Variants in INSYN2B observed in about 807,000 individuals in gnomAD.
INSYN2B encodes protein INSYN2B.
INSYN2B carries 16 observed loss-of-function variants against 41.2 expected under a neutral mutation model. The observed-to-expected ratio is 0.39, with a 90% CI of 0.26 to 0.59. INSYN2B has a LOEUF of 0.59. Among genes scored for constraint, INSYN2B ranks in the 20% least tolerant of loss-of-function variants. The pLI, the probability that INSYN2B is intolerant of heterozygous loss-of-function variation, is 0.57. For synonymous variants in INSYN2B, 245 were observed against 244.4 expected, an observed-to-expected ratio of 1.00 and a Z score of -0.02; for missense variants, 608 against 646.4, an observed-to-expected ratio of 0.94 and a Z score of 0.64.
chr5:169,885,289 C>T (rs1772909599), intron 1 of INSYN2B, among the ~76,000 whole-genome samples: 1 of 152,238 alleles, frequency 6.6e-6, no homozygotes, highest in Non-Finnish European at 1.5e-5. Flanking sequence ...GGAACCATCT[C>T]ATTCACTGCT....
At position 169,910,145 on chromosome 5, in the gene INSYN2B, G is replaced by A. The variant is rs187033943; in HGVS notation, c.-918-25329C>T. 1.3e-3 allele frequency among the ~76,000 whole-genome samples: 194 copies of A among 152,222 alleles called. 3 individuals carry two copies. The highest frequency in any genetic ancestry group is 1.0e-3 in the Admixed American group (16 of 15,290). On this transcript the variant is annotated intron_variant, in intron 1 of 3. Coordinates refer to ENST00000377365, the MANE Select transcript of INSYN2B (RefSeq NM_001129891.3). Reference sequence around the variant, plus strand: ...GAGCCATATGTTCCTGGCCCAGATGGCTCTCTCAGTTCTAGATGATTAGTA... The same window carrying A: ...GAGCCATATGTTCCTGGCCCAGATGACTCTCTCAGTTCTAGATGATTAGTA...
intron 1 of INSYN2B, among the ~76,000 whole-genome samples, chr5:169,898,784 T>C (rs1773759150): frequency 6.6e-6 from 1 of 152,170 alleles, no homozygotes; most frequent in Non-Finnish European, 1.5e-5. Flanking sequence ...ACAAGCATAG[T>C]GATATTCCAA....
At chr5:169,913,931 A>G (rs984034534) in intron 1 of INSYN2B, among the ~76,000 whole-genome samples, 1 of 152,216 alleles carries the variant, frequency 6.6e-6, no homozygotes, top group Admixed American at 6.5e-5. Context: ...AGAAAATGAG[A>G]TTGTGTCCAT....
At chr5:169,875,334 G>A (rs751826555) in intron 3 of INSYN2B, 15 of 456,536 alleles carry the variant, frequency 3.3e-5, no homozygotes, top group South Asian at 1.5e-4. Flanking sequence ...AGGAGGTTCC[G>A]ATGCAGATGG....
chr5:169,899,252 C>T (rs1773785943), intron 1 of INSYN2B, among the ~76,000 whole-genome samples: 2 of 152,194 alleles, frequency 1.3e-5, no homozygotes, highest in Non-Finnish European at 2.9e-5. Context: ...CTTCAGCACG[C>T]CCAGACAGTA....
At chr5:169,876,448 A>G (rs180970578) in intron 3 of INSYN2B, among the ~76,000 whole-genome samples, 1 of 152,328 alleles carries the variant, frequency 6.6e-6, no homozygotes. Flanking sequence ...GAGAAGGGAG[A>G]TATTTTCACC....
intron 1 of INSYN2B, among the ~76,000 whole-genome samples, chr5:169,924,075 C>T (rs1304475736): frequency 6.6e-6 from 1 of 152,176 alleles, no homozygotes; most frequent in Non-Finnish European, 1.5e-5. Context: ...TCCTGCCACC[C>T]TCTTCCTCCC....
At chr5:169,956,787 A>T (rs879319038) in intron 1 of INSYN2B, among the ~76,000 whole-genome samples, 1 of 152,166 alleles carries the variant, frequency 6.6e-6, no homozygotes, top group Non-Finnish European at 1.5e-5. Context: ...GTTCAAATGT[A>T]ATCTTTCTCA....
At chr5:169,887,081 C>G (rs1333449270) in intron 1 of INSYN2B, among the ~76,000 whole-genome samples, 1 of 152,198 alleles carries the variant, frequency 6.6e-6, no homozygotes, top group Non-Finnish European at 1.5e-5. Flanking sequence ...TTTGGACCCA[C>G]AGACTGACCC....
intron 1 of INSYN2B, among the ~76,000 whole-genome samples, chr5:169,976,566 G>A (rs758224999): frequency 3.3e-5 from 5 of 152,068 alleles, no homozygotes; most frequent in Non-Finnish European, 5.9e-5. Context: ...TACTTTAGAA[G>A]TTTTCAAGTG....
intron 1 of INSYN2B, among the ~76,000 whole-genome samples, chr5:169,941,267 G>A (rs1035163544): frequency 1.3e-5 from 2 of 152,124 alleles, no homozygotes; most frequent in Non-Finnish European, 2.9e-5. Context: ...GGAATGCAAT[G>A]GATAATCTCG....
At chr5:169,979,245 C>T (rs912045081) in intron 1 of INSYN2B, among the ~76,000 whole-genome samples, 1 of 152,178 alleles carries the variant, frequency 6.6e-6, no homozygotes, top group South Asian at 2.1e-4. Context: ...TGAACAACGT[C>T]AGTGTTAGGG....
intron 1 of INSYN2B, among the ~76,000 whole-genome samples, chr5:169,962,174 T>A (rs1253629267): frequency 6.6e-6 from 1 of 151,666 alleles, no homozygotes; most frequent in African/African-American, 2.4e-5. Context: ...TCTACTCTGG[T>A]TGCTCCCTGG....
chr5:169,878,880 T>C (rs958913108), intron 3 of INSYN2B, among the ~76,000 whole-genome samples: 15 of 152,198 alleles, frequency 9.9e-5, no homozygotes, highest in African/African-American at 3.6e-4. Flanking sequence ...TTCACCTTTA[T>C]GTACGGAAAT....
intron 1 of INSYN2B, among the ~76,000 whole-genome samples, chr5:169,905,649 T>G (rs1212217720): frequency 6.6e-6 from 1 of 151,976 alleles, no homozygotes; most frequent in Non-Finnish European, 1.5e-5. Flanking sequence ...GGGTGTGGGG[T>G]AGGCAGGGAC....
chr5:169,892,225 TA>T (rs979316422), intron 1 of INSYN2B, among the ~76,000 whole-genome samples: 2 of 151,988 alleles, frequency 1.3e-5, no homozygotes, highest in Non-Finnish European at 2.9e-5. Context: ...AAAGCAAACC[TA>T]AAAACCATGA....
At chr5:169,930,378 G>A (rs1041862059) in intron 1 of INSYN2B, among the ~76,000 whole-genome samples, 1 of 152,178 alleles carries the variant, frequency 6.6e-6, no homozygotes, top group African/African-American at 2.4e-5. Flanking sequence ...ATGCACTCAC[G>A]ACTGGGGTTG....
chr5:169,936,284 A>G (rs1454856418), intron 1 of INSYN2B, among the ~76,000 whole-genome samples: 1 of 152,188 alleles, frequency 6.6e-6, no homozygotes, highest in Non-Finnish European at 1.5e-5. Context: ...TGCTTCAACG[A>G]CAGAGATGGG....
rs140573944 is a variant in INSYN2B at position 169,883,098 on chromosome 5, G to A, written c.801C>T (p.His267=). 2.6e-3 allele frequency: 3,988 copies of A among 1,551,642 alleles called. 6 individuals are homozygous for A. Among genetic ancestry groups the A allele is most frequent in the Non-Finnish European group, 3.1e-3 (3,595 of 1,146,942 alleles). The part of the protein sequence containing the change: ...SCLNATSVAS[H]TPGTEELKPE... ...GTTTAAGTTCCTCTGTGCCTGGTGTGTGGCTGGCAACGCTGGTGGCATTTA... is the reference window on the plus strand; with the variant it reads ...GTTTAAGTTCCTCTGTGCCTGGTGTATGGCTGGCAACGCTGGTGGCATTTA... Residue 267 remains histidine, a synonymous_variant, in exon 2 of 4, where the codon CAC becomes CAT. Transcript: ENST00000377365.
Sources: allele counts gnomAD v4.1 joint callset (sites outside exome capture counted in the v4.1 genomes callset), GRCh38; gene constraint gnomAD v4.1.1; transcripts MANE v1.5; gene names NCBI Gene and HGNC (gene_info 2026-07-23, HGNC 2026-07-21).